The following LRP1B variants were observed in gnomAD, a reference collection of about 807,000 sequenced individuals.
LRP1B encodes the protein low-density lipoprotein receptor-related protein 1B.
In LRP1B, 217 loss-of-function variants were observed where a neutral mutation model predicts 556.6. That is an observed-to-expected ratio of 0.39 (90% CI 0.35 to 0.44). LRP1B has a LOEUF of 0.44. Ranked by LOEUF, LRP1B falls within the 20% of genes least tolerant of loss-of-function variation. LRP1B has a pLI of 1.00. For synonymous variants in LRP1B, 2,047 were observed against 1,865.8 expected (o/e 1.10, Z -2.50); for missense variants, 5,053 against 5,620.8 (o/e 0.90, Z 3.23).
intron 7 of LRP1B, among the ~76,000 whole-genome samples, chr2:141,161,844 G>A (rs556689565): frequency 2.6e-5 from 4 of 152,120 alleles, no homozygotes; most frequent in South Asian, 2.1e-4. Flanking sequence ...CTACCCCTAC[G>A]TTGTCCCTTG....
At chr2:141,821,359 T>C (rs901549069) in intron 1 of LRP1B, among the ~76,000 whole-genome samples, 2 of 152,210 alleles carry the variant, frequency 1.3e-5, no homozygotes, top group Non-Finnish European at 2.9e-5. Context: ...TGCAAGCTAG[T>C]GTACCATTAA....
intron 17 of LRP1B, among the ~76,000 whole-genome samples, chr2:140,982,573 G>A (rs937371347): frequency 1.5e-4 from 23 of 152,024 alleles, no homozygotes; most frequent in Non-Finnish European, 2.9e-4. Context: ...CTTTTGCCCA[G>A]CACATGCTTA....
chr2:140,514,736 G>A lies in LRP1B; in HGVS notation c.8186C>T (p.Ala2729Val), dbSNP rs1377724782. 5.6e-6 allele frequency: 9 copies of A among 1,611,660 alleles called. No homozygotes were observed. The highest frequency in any genetic ancestry group is 1.3e-5 in the African/African-American group (1 of 74,682). Residue 2729 changes from alanine (A) to valine (V), a missense_variant, in exon 51 of 91, where the codon GCA (alanine) becomes GTA (valine). This residue lies in a region of LRP1B where 3,619 missense variants were observed against 3,931.9 expected (regional missense o/e 0.92). Transcript: ENST00000389484. ...SCSWNQFACS[A>V]QKCISKHWIC... ...CCAATGCTTAGAAATACATTTTTGT[G>A]CGGAACAAGCAAATTGGTTCCAAGA...
intron 7 of LRP1B, among the ~76,000 whole-genome samples, chr2:141,081,443 T>A (rs187620646): frequency 1.7e-4 from 26 of 152,300 alleles, no homozygotes; most frequent in African/African-American, 6.3e-4. Context: ...TGTGAACATG[T>A]TTCCCTCCTT....
chr2:141,759,684 A>G (rs1028598120), intron 2 of LRP1B, among the ~76,000 whole-genome samples: 2 of 152,212 alleles, frequency 1.3e-5, no homozygotes, highest in African/African-American at 4.8e-5. Flanking sequence ...TCTAGATAGA[A>G]AAAATAAACA....
intron 35 of LRP1B, among the ~76,000 whole-genome samples, chr2:140,768,279 T>C (rs890154934): frequency 2.0e-4 from 30 of 151,912 alleles, no homozygotes; most frequent in African/African-American, 7.2e-4. Context: ...GTTAGAACTG[T>C]ACCAGAAGCC....
intron 41 of LRP1B, among the ~76,000 whole-genome samples, chr2:140,693,068 TTTACATAAAAGTTA>T (rs1370639937): frequency 1.3e-5 from 2 of 152,198 alleles, no homozygotes; most frequent in Non-Finnish European, 2.9e-5. Flanking sequence ...GTATAATCAA[TTTACATAAAAGTTA>T]TATATAAATA....
At chr2:140,476,458 T>C (rs1293023461) in intron 59 of LRP1B, among the ~76,000 whole-genome samples, 2 of 152,054 alleles carry the variant, frequency 1.3e-5, no homozygotes, top group African/African-American at 2.4e-5. Context: ...TAAAACATTC[T>C]TTAAAGAAAT....
At chr2:140,249,150 A>G (rs1681299693) in intron 86 of LRP1B, among the ~76,000 whole-genome samples, 1 of 151,732 alleles carries the variant, frequency 6.6e-6, no homozygotes, top group Non-Finnish European at 1.5e-5. Context: ...ACTTTCGGAA[A>G]AGATTTGAAG....
chr2:140,557,884 A>T (rs190227325), intron 43 of LRP1B, among the ~76,000 whole-genome samples: 1 of 152,220 alleles, frequency 6.6e-6, no homozygotes, highest in East Asian at 1.9e-4. Context: ...TTTATGGCTT[A>T]TTATCTGTCT....
At chr2:140,857,306 T>C (rs1019398179) in intron 27 of LRP1B, among the ~76,000 whole-genome samples, 4 of 152,200 alleles carry the variant, frequency 2.6e-5, no homozygotes, top group Non-Finnish European at 5.9e-5. Flanking sequence ...TGATAGTAAC[T>C]AATATTCATC....
chr2:141,108,528 T>C, intron 7 of LRP1B, among the ~76,000 whole-genome samples: 1 of 151,920 alleles, frequency 6.6e-6, no homozygotes, highest in African/African-American at 2.4e-5. Flanking sequence ...TTTTGTATTT[T>C]TAGTAGAGAC....
chr2:141,863,306 G>T (rs533314218), intron 1 of LRP1B, among the ~76,000 whole-genome samples: 4 of 152,130 alleles, frequency 2.6e-5, no homozygotes, highest in Non-Finnish European at 5.9e-5. Flanking sequence ...TACAGTCTTT[G>T]CCCTTAAAGA....
intron 54 of LRP1B, 122 bp downstream of exon 54, chr2:140,502,841 A>G (rs1689254221): frequency 1.1e-6 from 1 of 943,364 alleles, no homozygotes; most frequent in South Asian, 1.8e-5. Flanking sequence ...TGGTGTCACT[A>G]GAAACATCAC....
chr2:142,031,614 A>T (rs1703712947), intron 1 of LRP1B, among the ~76,000 whole-genome samples: 1 of 138,880 alleles, frequency 7.2e-6, no homozygotes, highest in African/African-American at 2.6e-5. Context: ...TTGTCAACTA[A>T]AAAAAAAATG....
At position 140,701,590 on chromosome 2, in the gene LRP1B, A is replaced by C. The variant is rs765266296; in HGVS notation, c.6427+131T>G. 8.6e-5 allele frequency: 75 copies of C among 868,168 alleles called. 1 individual carries two copies. The highest frequency in any genetic ancestry group is 5.6e-4 in the South Asian group (31 of 55,150). The allele number at this position is 868,168 out of a possible 1,614,324, so 53.8% of individuals were successfully genotyped here. A position where few individuals can be genotyped will look rare whatever the true frequency, so the allele number is the denominator to read the frequency against. Reference sequence around the variant, plus strand: ...TAGGCTACTATATGATACTTGCAGGAAATTAGATGTAAAGATAATGTTTTG... The same window carrying C: ...TAGGCTACTATATGATACTTGCAGGCAATTAGATGTAAAGATAATGTTTTG... On this transcript the variant is annotated intron_variant, in intron 40 of 90. Coordinates refer to ENST00000389484, the MANE Select transcript of LRP1B (RefSeq NM_018557.3).
At chr2:141,766,922 G>A (rs1415403331) in intron 2 of LRP1B, among the ~76,000 whole-genome samples, 2 of 152,238 alleles carry the variant, frequency 1.3e-5, no homozygotes, top group African/African-American at 2.4e-5. Context: ...CTCATAGAGA[G>A]GGGAAGAAAA....
Position 141,174,224 on chromosome 2 carries a change from C to T in LRP1B, c.1013+14197G>A, listed in dbSNP as rs529522168. 2.1e-4 allele frequency among the ~76,000 whole-genome samples: 32 copies of T among 152,148 alleles called. No homozygotes were observed. In the South Asian group the frequency reaches 6.2e-3, roughly 30 times the overall value. On this transcript the variant is annotated intron_variant, in intron 7 of 90. Transcript: ENST00000389484. ...GAATAATCATTTGAAAATGAACTTC[C>T]TCATGGTGTTTCTAGTCCATCCAGA...
chr2:140,334,887 C>A (rs771509865), intron 78 of LRP1B, among the ~76,000 whole-genome samples: 2 of 151,926 alleles, frequency 1.3e-5, no homozygotes, highest in East Asian at 3.9e-4. Context: ...ATGAAACTCC[C>A]CTTTTGTTTT....
Sources: allele counts gnomAD v4.1 joint callset (sites outside exome capture counted in the v4.1 genomes callset), GRCh38; gene constraint gnomAD v4.1.1; regional missense constraint gnomAD v4.1.1; transcripts MANE v1.5; gene names NCBI Gene and HGNC (gene_info 2026-07-23, HGNC 2026-07-21).